The following CLNK variants were observed in gnomAD, a reference collection of about 807,000 sequenced individuals.
CLNK encodes the protein cytokine-dependent hematopoietic cell linker.
A neutral mutation model predicts 68.6 loss-of-function variants in CLNK; 74 were observed. The observed-to-expected ratio is 1.08, with a 90% CI of 0.89 to 1.31. CLNK has a LOEUF of 1.31. Among genes scored for constraint, CLNK ranks in the 50% most tolerant of loss-of-function variants. The pLI, the probability that CLNK is intolerant of heterozygous loss-of-function variation, is 0.00. For missense variants in CLNK, 553 were observed against 515.3 expected (o/e 1.07, Z -0.71); for synonymous variants, 198 against 172.2 (o/e 1.15, Z -1.17).
At chr4:10,589,237 G>A (rs1721094757) in intron 3 of CLNK, among the ~76,000 whole-genome samples, 1 of 152,330 alleles carries the variant, frequency 6.6e-6, no homozygotes, top group Non-Finnish European at 1.5e-5. Flanking sequence ...ACTTAGATGA[G>A]TTCAGTAACT....
chr4:10,637,761 A>ATT (rs375771015), intron 2 of CLNK, among the ~76,000 whole-genome samples: 2 of 140,754 alleles, frequency 1.4e-5, no homozygotes, highest in East Asian at 4.2e-4. Context: ...GGCCCAGCTA[A>ATT]TTTTTTTTTT....
At chr4:10,567,465 CA>C (rs1720166775) in intron 5 of CLNK, among the ~76,000 whole-genome samples, 1 of 152,132 alleles carries the variant, frequency 6.6e-6, no homozygotes, top group Non-Finnish European at 1.5e-5. Context: ...ATAAATTTAA[CA>C]GCTAAAACTA....
the CLNK span, among the ~76,000 whole-genome samples, chr4:10,690,254 T>C: frequency 6.6e-6 from 1 of 152,130 alleles, no homozygotes; most frequent in Admixed American, 6.6e-5. Context: ...CCAACCACCC[T>C]GACTAAACCA....
intron 3 of CLNK, among the ~76,000 whole-genome samples, chr4:10,592,406 C>T (rs769663901): frequency 1.1e-4 from 17 of 152,132 alleles, no homozygotes; most frequent in Admixed American, 9.2e-4. Context: ...ATTCCTCTAG[C>T]GGGCAGAGCC....
chr4:10,694,874 A>T, the CLNK span, among the ~76,000 whole-genome samples: 7 of 152,314 alleles, frequency 4.6e-5, no homozygotes, highest in African/African-American at 1.7e-4. Context: ...GTTGTTGCAA[A>T]GATAGAATGT....
At chr4:10,636,343 A>T (rs1056674907) in intron 2 of CLNK, among the ~76,000 whole-genome samples, 2 of 152,144 alleles carry the variant, frequency 1.3e-5, no homozygotes, top group Non-Finnish European at 2.9e-5. Context: ...CAGAGAGAAA[A>T]GATGGCCATG....
intron 17 of CLNK, among the ~76,000 whole-genome samples, chr4:10,504,171 A>C (rs530363870): frequency 2.2e-4 from 25 of 114,600 alleles, no homozygotes; most frequent in Non-Finnish European, 3.7e-4. Flanking sequence ...CCCAGGTTGG[A>C]GTGCAGTGGC....
chr4:10,514,286 C>G (rs896247829), intron 15 of CLNK, among the ~76,000 whole-genome samples: 1 of 150,678 alleles, frequency 6.6e-6, no homozygotes, highest in Non-Finnish European at 1.5e-5. Flanking sequence ...GGTTCCAAGT[C>G]TTTGCTATTG....
At chr4:10,587,273 C>T (rs1179346684) in intron 3 of CLNK, among the ~76,000 whole-genome samples, 7 of 152,122 alleles carry the variant, frequency 4.6e-5, no homozygotes, top group Non-Finnish European at 1.5e-5. Context: ...GCCTCATTTT[C>T]TGACAAGGTC....
At position 10,519,821 on chromosome 4, in the gene CLNK, C is replaced by CTGTG. The variant is rs758512486; in HGVS notation, c.772+966_772+969dup. Among the ~76,000 whole-genome samples, 123 of 149,414 alleles carry CTGTG rather than the reference C, an allele frequency of 8.2e-4. 1 individual carries two copies. Among genetic ancestry groups the CTGTG allele is most frequent in the African/African-American group, 2.9e-3 (117 of 40,752 alleles). On this transcript the variant is annotated intron_variant, in intron 15 of 18. Coordinates refer to ENST00000226951, the MANE Select transcript of CLNK (RefSeq NM_052964.4). Reference sequence around the variant, plus strand: ...TGCCTACTACATGGCAGGCAGAGGGCTGTGTGTGTGTGTGTGTGTGCAAAT... The same window carrying CTGTG: ...TGCCTACTACATGGCAGGCAGAGGGCTGTGTGTGTGTGTGTGTGTGTGTGCAAAT...
At chr4:10,594,995 G>A (rs1169619396) in intron 3 of CLNK, among the ~76,000 whole-genome samples, 1 of 152,190 alleles carries the variant, frequency 6.6e-6, no homozygotes, top group Admixed American at 6.5e-5. Context: ...TGGCTGGGGG[G>A]CTGAGGCAGG....
At chr4:10,610,053 T>A (rs1721949279) in intron 2 of CLNK, among the ~76,000 whole-genome samples, 1 of 117,608 alleles carries the variant, frequency 8.5e-6, no homozygotes, top group Non-Finnish European at 1.7e-5. Context: ...TTTTTTTTTT[T>A]TTTTTTTTTT....
intron 4 of CLNK, among the ~76,000 whole-genome samples, chr4:10,574,827 T>C (rs1720494169): frequency 1.3e-5 from 2 of 152,118 alleles, no homozygotes; most frequent in South Asian, 4.1e-4. Context: ...ATTGTGAAAA[T>C]CCCTGTCCTG....
chr4:10,705,807 C>T, the CLNK span, among the ~76,000 whole-genome samples: 1 of 152,214 alleles, frequency 6.6e-6, no homozygotes, highest in African/African-American at 2.4e-5. Flanking sequence ...ATATAAACAT[C>T]TTTGGGGACT....
At position 10,490,532 on chromosome 4, in the gene CLNK, C is replaced by A. The variant is rs1165477269; in HGVS notation, c.1222G>T (p.Val408Phe). 6.2e-7 allele frequency: 1 copy of A among 1,609,966 alleles called. No individual in the cohort carries two copies. The highest frequency in any genetic ancestry group is 2.2e-5 in the East Asian group (1 of 44,846). Reference protein sequence around the residue: ...ILIDGKDKTGVHRKQCHLTQP... With the variant: ...ILIDGKDKTGFHRKQCHLTQP... Reference sequence around the variant, plus strand: ...GTGAGGTGACACTGTTTCCTGTGGACCCCAGTTTTATCTTTCCCATCAATT... The same window carrying A: ...GTGAGGTGACACTGTTTCCTGTGGAACCCAGTTTTATCTTTCCCATCAATT... Residue 408 changes from valine (V) to phenylalanine (F), a missense_variant, in exon 19 of 19, where the codon GTC becomes TTC. Physicochemically the swap from Val to Phe is conservative, Grantham distance 50. Coordinates refer to ENST00000226951, the MANE Select transcript of CLNK (RefSeq NM_052964.4).
chr4:10,601,170 G>T (rs1721579144), intron 2 of CLNK, among the ~76,000 whole-genome samples: 1 of 152,180 alleles, frequency 6.6e-6, no homozygotes, highest in Non-Finnish European at 1.5e-5. Context: ...AGGTGGCCAG[G>T]CTAGTTGGGG....
chr4:10,642,909 A>T (rs966543987), intron 2 of CLNK, among the ~76,000 whole-genome samples: 2 of 152,196 alleles, frequency 1.3e-5, no homozygotes, highest in African/African-American at 2.4e-5. Context: ...ATAAGTCGCC[A>T]TTTTTTAATG....
chr4:10,703,574 G>A, the CLNK span, among the ~76,000 whole-genome samples: 1 of 152,082 alleles, frequency 6.6e-6, no homozygotes, highest in African/African-American at 2.4e-5. Flanking sequence ...TCTTTTCTGG[G>A]TCTATACAGT....
At chr4:10,616,790 GTATATA>G (rs58333228) in intron 2 of CLNK, among the ~76,000 whole-genome samples, 46 of 64,394 alleles carry the variant, frequency 7.1e-4, no homozygotes, top group African/African-American at 1.6e-3. Flanking sequence ...GTGTGTGTGT[GTATATA>G]TATATATATA....
Sources: gnomAD v4.1 joint callset for allele counts (sites outside exome capture counted in the v4.1 genomes callset) on GRCh38, gnomAD v4.1.1 for gene constraint, MANE v1.5 for transcripts, NCBI Gene and HGNC (gene_info 2026-07-23, HGNC 2026-07-21) for gene names.